TASP1: variants seen among roughly 807,000 people sequenced by gnomAD.
TASP1 encodes the protein threonine aspartase 1.
In TASP1, 16 loss-of-function variants were observed where a neutral mutation model predicts 56.6. The ratio of observed to expected loss-of-function variants is 0.28; its 90% CI spans 0.19 to 0.43. TASP1 has a LOEUF of 0.43. Among genes scored for constraint, TASP1 ranks in the 20% least tolerant of loss-of-function variants. The pLI is 1.00. For missense variants in TASP1, 393 were observed against 511.6 expected (o/e 0.77, Z 2.24); for synonymous variants, 179 against 184.2 (o/e 0.97, Z 0.23).
intron 10 of TASP1, among the ~76,000 whole-genome samples, chr20:13,506,441 A>G (rs773598180): frequency 6.6e-6 from 1 of 152,200 alleles, no homozygotes; most frequent in African/African-American, 2.4e-5. Context: ...GCATTGTAAG[A>G]AAAGAAAATT....
At chr20:13,237,462 C>A in the TASP1 span, among the ~76,000 whole-genome samples, 1 of 152,144 alleles carries the variant, frequency 6.6e-6, no homozygotes, top group South Asian at 2.1e-4. Context: ...AAACCAGGCA[C>A]AGTAAAGTAC....
the TASP1 span, among the ~76,000 whole-genome samples, chr20:13,111,773 A>G: frequency 3.7e-4 from 57 of 152,338 alleles, 2 homozygotes; most frequent in East Asian, 8.1e-3. Flanking sequence ...AGCAGAGTAA[A>G]CAAAACCCAA....
intron 3 of TASP1, among the ~76,000 whole-genome samples, chr20:13,624,444 T>C (rs771868057): frequency 6.6e-6 from 1 of 152,216 alleles, no homozygotes. Flanking sequence ...TAGGACTTCA[T>C]TCATAAGAAA....
At chr20:13,126,690 A>G in the TASP1 span, 1 of 1,614,044 alleles carries the variant, frequency 6.2e-7, no homozygotes. Context: ...ACTAAAACTT[A>G]TCATGGGACT....
chr20:13,472,786 T>C (rs1191671986), intron 11 of TASP1, among the ~76,000 whole-genome samples: 2 of 151,194 alleles, frequency 1.3e-5, no homozygotes, highest in African/African-American at 4.9e-5. Context: ...CACAATGAGA[T>C]ACCATCTCAC....
intron 10 of TASP1, among the ~76,000 whole-genome samples, chr20:13,493,419 G>A (rs2043610794): frequency 6.6e-6 from 1 of 152,184 alleles, no homozygotes; most frequent in African/African-American, 2.4e-5. Context: ...GGGGAAGAAG[G>A]TGGGATAACT....
At chr20:13,537,279 T>C (rs1397373027) in intron 8 of TASP1, among the ~76,000 whole-genome samples, 1 of 152,086 alleles carries the variant, frequency 6.6e-6, no homozygotes, top group Non-Finnish European at 1.5e-5. Flanking sequence ...ATGCAAATAA[T>C]AAAGAATCCT....
At chr20:13,504,440 A>C (rs1195637086) in intron 10 of TASP1, among the ~76,000 whole-genome samples, 3 of 152,178 alleles carry the variant, frequency 2.0e-5, no homozygotes, top group Non-Finnish European at 2.9e-5. Flanking sequence ...ACCATCATTA[A>C]ACTTGTTTTA....
chr20:13,623,782 T>C (rs937569408), intron 3 of TASP1, among the ~76,000 whole-genome samples: 4 of 152,218 alleles, frequency 2.6e-5, no homozygotes, highest in African/African-American at 7.2e-5. Context: ...GTAAGCTTCA[T>C]TCATTGTAAG....
chr20:13,200,515 T>G, the TASP1 span, among the ~76,000 whole-genome samples: 4 of 152,212 alleles, frequency 2.6e-5, no homozygotes, highest in Non-Finnish European at 4.4e-5. Context: ...TCTCTGAGGC[T>G]GAATACCAGT....
chr20:13,222,464 T>C, the TASP1 span, among the ~76,000 whole-genome samples: 2 of 152,012 alleles, frequency 1.3e-5, no homozygotes, highest in Non-Finnish European at 2.9e-5. Flanking sequence ...CTTCCAGTGT[T>C]CCTCTTCCTC....
downstream of TASP1, among the ~76,000 whole-genome samples, chr20:13,387,184 A>ATTTTTTTTTTTTTTTTTTTTTTTTTTTTT (rs779048448): frequency 1.1e-4 from 8 of 70,704 alleles, no homozygotes; most frequent in African/African-American, 4.0e-4. Flanking sequence ...ACATGATTTC[A>ATTTTTTTTTTTTTTTTTTTTTTTTTTTTT]TTTTTTTTTT....
At chr20:13,270,595 C>CA in the TASP1 span, 1 of 1,614,010 alleles carries the variant, frequency 6.2e-7, no homozygotes, top group Non-Finnish European at 8.5e-7. Flanking sequence ...CACCAGGCTG[C>CA]ACACCAACCC....
chr20:13,382,240 TC>T, the TASP1 span, among the ~76,000 whole-genome samples: 1 of 152,350 alleles, frequency 6.6e-6, no homozygotes, highest in South Asian at 2.1e-4. Context: ...GAAAACATAT[TC>T]TTAATTTGTT....
intron 13 of TASP1, among the ~76,000 whole-genome samples, chr20:13,396,880 T>C (rs184585628): frequency 8.5e-5 from 13 of 152,348 alleles, no homozygotes; most frequent in African/African-American, 2.6e-4. Context: ...AAAAGTTCTA[T>C]TGTTCTCACA....
chr20:13,179,866 G>T, the TASP1 span, among the ~76,000 whole-genome samples: 2 of 152,160 alleles, frequency 1.3e-5, no homozygotes, highest in Non-Finnish European at 2.9e-5. Context: ...GATAATGAGA[G>T]AGCTAGACCC....
chr20:13,464,198 A>C (rs1356158886), intron 11 of TASP1, among the ~76,000 whole-genome samples: 3 of 152,152 alleles, frequency 2.0e-5, no homozygotes, highest in Non-Finnish European at 4.4e-5. Context: ...AGAGTCTTTA[A>C]AGGCTTAATT....
chr20:13,412,608 T>C (rs994591540), intron 13 of TASP1, among the ~76,000 whole-genome samples: 5 of 152,220 alleles, frequency 3.3e-5, no homozygotes, highest in African/African-American at 1.2e-4. Flanking sequence ...TGGCTTTATG[T>C]GAGAGGTAAG....
rs200984920 is a variant in TASP1, at chr20:13,507,602, CTG to C, written c.874+20829_874+20830del. 8.5e-5 allele frequency among the ~76,000 whole-genome samples: 13 copies of C among 152,204 alleles called. No individual in the cohort carries two copies. In the East Asian group the frequency reaches 2.3e-3, roughly 27 times the overall value. Reference sequence around the variant, plus strand: ...TGAAGAAAAAAATAAGTGCAGCTATCTGTGTTCTGTGTTCACGGACTGAAAGA... The same window carrying C: ...TGAAGAAAAAAATAAGTGCAGCTATCTGTTCTGTGTTCACGGACTGAAAGA... On this transcript the variant is annotated intron_variant, in intron 10 of 13. Transcript: ENST00000337743.
Sources: allele counts gnomAD v4.1 joint callset (sites outside exome capture counted in the v4.1 genomes callset), GRCh38; gene constraint gnomAD v4.1.1; transcripts MANE v1.5; gene names NCBI Gene and HGNC (gene_info 2026-07-23, HGNC 2026-07-21).